The following MBD5 variants were observed in gnomAD, a reference collection of about 807,000 sequenced individuals.
MBD5 encodes methyl-CpG-binding domain protein 5.
MBD5 carries 13 observed loss-of-function variants against 117.3 expected under a neutral mutation model. The ratio of observed to expected loss-of-function variants is 0.11; its 90% confidence interval spans 0.07 to 0.18. The LOEUF is 0.18. MBD5 is among the 10% of genes least tolerant of loss of function. MBD5 has a pLI of 1.00. For synonymous variants in MBD5, 727 were observed against 766.4 expected, an observed-to-expected ratio of 0.95 and a Z score of 0.85; for missense variants, 1,879 against 2,093.8, an observed-to-expected ratio of 0.90 and a Z score of 2.00.
At chr2:148,244,580 G>T (rs1011351698) in intron 3 of MBD5, among the ~76,000 whole-genome samples, 1 of 152,118 alleles carries the variant, frequency 6.6e-6, no homozygotes, top group African/African-American at 2.4e-5. Flanking sequence ...ACTCAAATAA[G>T]TGCTTAGGAA....
intron 4 of MBD5, among the ~76,000 whole-genome samples, chr2:148,423,697 A>T (rs1473357268): frequency 6.6e-6 from 1 of 152,210 alleles, no homozygotes; most frequent in Non-Finnish European, 1.5e-5. Flanking sequence ...TTCAGACATA[A>T]CAATATTACC....
intron 1 of MBD5, among the ~76,000 whole-genome samples, chr2:148,131,907 T>A (rs1287402717): frequency 6.6e-6 from 1 of 152,164 alleles, no homozygotes; most frequent in East Asian, 1.9e-4. Context: ...CTAAGGGGTG[T>A]GTGTGTTTTC....
At chr2:148,408,038 ATTGGT>A (rs1201760727) in intron 4 of MBD5, among the ~76,000 whole-genome samples, 1 of 151,810 alleles carries the variant, frequency 6.6e-6, no homozygotes, top group Non-Finnish European at 1.5e-5. Context: ...TTATTAGCTG[ATTGGT>A]TAGTCAGACT....
At chr2:148,488,537 A>G (rs923210781) in intron 10 of MBD5, among the ~76,000 whole-genome samples, 1 of 151,800 alleles carries the variant, frequency 6.6e-6, no homozygotes, top group African/African-American at 2.4e-5. Flanking sequence ...GTGTCGACAG[A>G]TCCCAGGTTC....
intron 3 of MBD5, among the ~76,000 whole-genome samples, chr2:148,292,248 CAAAGG>C (rs1310035409): frequency 6.6e-6 from 1 of 152,072 alleles, no homozygotes; most frequent in Non-Finnish European, 1.5e-5. Flanking sequence ...CTCTGCACAG[CAAAGG>C]AAACAGTCAA....
intron 3 of MBD5, among the ~76,000 whole-genome samples, chr2:148,269,076 ACTTT>A (rs58022793): frequency 0.47 from 71,796 of 151,260 alleles, 17,231 homozygotes; most frequent in East Asian, 0.71. Context: ...GAAATTAAAG[ACTTT>A]CTTTCTCTAA....
At chr2:148,486,105 C>T (rs1356570817) in intron 10 of MBD5, among the ~76,000 whole-genome samples, 155 bp downstream of exon 10, 1 of 152,168 alleles carries the variant, frequency 6.6e-6, no homozygotes, top group Non-Finnish European at 1.5e-5. Flanking sequence ...ACATTCCAGT[C>T]TTTTGTGTGA....
chr2:148,307,559 T>C (rs920792051), intron 3 of MBD5, among the ~76,000 whole-genome samples: 1 of 152,204 alleles, frequency 6.6e-6, no homozygotes, highest in East Asian at 1.9e-4. Context: ...TAAAAACACA[T>C]CTTACTTTTC....
intron 3 of MBD5, among the ~76,000 whole-genome samples, chr2:148,330,141 T>C (rs1702604723): frequency 7.5e-6 from 1 of 132,988 alleles, no homozygotes. Flanking sequence ...CAAAAAAGGG[T>C]ATGGTGGGTC....
chr2:148,233,416 A>G (rs897794233), intron 3 of MBD5, 21 bp downstream of exon 3: 1 of 152,236 alleles, frequency 6.6e-6, no homozygotes, highest in Non-Finnish European at 1.5e-5. Context: ...AAATATTTCT[A>G]CTATGAGTTT....
intron 3 of MBD5, among the ~76,000 whole-genome samples, chr2:148,285,541 A>T (rs554405085): frequency 6.6e-6 from 1 of 152,364 alleles, no homozygotes; most frequent in South Asian, 2.1e-4. Flanking sequence ...TACTAGATTT[A>T]CAAATCTCTT....
chr2:148,180,332 A>C lies in MBD5; in HGVS notation c.-831+1539A>C, dbSNP rs1175289526. Among the ~76,000 whole-genome samples the C allele has an allele frequency of 2.1e-5, 3 of 139,760 alleles. No homozygotes were observed. The Admixed American group carries it at 2.2e-4, about 10-fold the overall frequency. The allele number at this position is 139,760 out of a possible 152,430, so 91.7% of individuals were successfully genotyped here. On this transcript the variant is annotated intron_variant, in intron 2 of 13. Transcript: ENST00000642680. ...GTCTAAATCAGATCCTTCTAGTAAAAAAAAATTATACATATATATATATAT... is the reference window on the plus strand; with the variant it reads ...GTCTAAATCAGATCCTTCTAGTAAACAAAAATTATACATATATATATATAT...
At chr2:148,200,692 CAA>C (rs770296644) in intron 2 of MBD5, among the ~76,000 whole-genome samples, 27 of 57,694 alleles carry the variant, frequency 4.7e-4, no homozygotes, top group Non-Finnish European at 3.3e-4. Flanking sequence ...GACTCTATCT[CAA>C]AAAAAAAAAA....
intron 2 of MBD5, among the ~76,000 whole-genome samples, chr2:148,227,731 T>A (rs972049223): frequency 1.8e-4 from 27 of 152,302 alleles, no homozygotes; most frequent in Admixed American, 4.6e-4. Flanking sequence ...CCATATTGAT[T>A]CTTCCTACCC....
chr2:148,070,239 A>G (rs755780674), intron 1 of MBD5, among the ~76,000 whole-genome samples: 13 of 152,166 alleles, frequency 8.5e-5, no homozygotes, highest in African/African-American at 1.2e-4. Flanking sequence ...CACTTAACAT[A>G]ATAACCTCCA....
chr2:148,031,151 G>C (rs1694026845), intron 1 of MBD5, among the ~76,000 whole-genome samples: 1 of 152,038 alleles, frequency 6.6e-6, no homozygotes. Flanking sequence ...TCAAAATACA[G>C]ATAGTATAAT....
chr2:148,198,171 T>A (rs574582945), intron 2 of MBD5, among the ~76,000 whole-genome samples: 6 of 152,318 alleles, frequency 3.9e-5, no homozygotes, highest in Admixed American at 6.5e-5. Context: ...AACATTTTCC[T>A]CTTTTTTTCA....
At chr2:148,160,760 G>A (rs1032086903) in intron 1 of MBD5, among the ~76,000 whole-genome samples, 7 of 152,090 alleles carry the variant, frequency 4.6e-5, no homozygotes, top group Admixed American at 3.9e-4. Context: ...TTAGTCCACC[G>A]AATTTTAATT....
intron 4 of MBD5, among the ~76,000 whole-genome samples, chr2:148,382,115 C>A (rs1704165725): frequency 6.6e-6 from 1 of 152,040 alleles, no homozygotes; most frequent in Non-Finnish European, 1.5e-5. Context: ...ACAATACTAA[C>A]CTCAAATGTA....
Sources: gnomAD v4.1 joint callset for allele counts (sites outside exome capture counted in the v4.1 genomes callset) on GRCh38, gnomAD v4.1.1 for gene constraint, MANE v1.5 for transcripts, NCBI Gene and HGNC (gene_info 2026-07-23, HGNC 2026-07-21) for gene names.